Variants in TMEM108 observed in about 807,000 individuals in gnomAD.
The protein encoded by TMEM108 is cancer/testis antigen 124.
TMEM108 carries 12 observed loss-of-function variants against 35.1 expected under a neutral mutation model. The ratio of observed to expected loss-of-function variants is 0.34; its 90% CI spans 0.22 to 0.55. The LOEUF (loss-of-function observed/expected upper bound fraction) is 0.55, where lower values mean the gene tolerates loss of function less well. TMEM108 is among the 20% of genes least tolerant of loss of function. TMEM108 has a pLI of 0.89. For synonymous variants in TMEM108, 287 were observed against 308.6 expected (o/e 0.93, Z 0.73); for missense variants, 680 against 753.3 (o/e 0.90, Z 1.14).
rs1944217330 is a variant in TMEM108, at chr3:133,110,978, C to T, written c.-47+64958C>T. Among the ~76,000 whole-genome samples, 4 of 152,266 alleles carry T rather than the reference C, an allele frequency of 2.6e-5. No homozygotes were observed. The Middle Eastern group carries it at 0.014, about 518-fold the overall frequency. ...CAACATGGAAAGATTTGAAGTCAGGCCATAGTCCTTTTGAGGTTTCTCAAT... is the reference window on the plus strand; with the variant it reads ...CAACATGGAAAGATTTGAAGTCAGGTCATAGTCCTTTTGAGGTTTCTCAAT... On this transcript the variant is annotated intron_variant, in intron 2 of 5. Transcript: ENST00000321871.
chr3:133,139,377 G>A (rs189792363), intron 2 of TMEM108, among the ~76,000 whole-genome samples: 4 of 152,260 alleles, frequency 2.6e-5, no homozygotes, highest in Non-Finnish European at 5.9e-5. Flanking sequence ...AACAACCTCT[G>A]TTGATTTTCT....
At chr3:133,140,828 T>C (rs1944631036) in intron 2 of TMEM108, among the ~76,000 whole-genome samples, 1 of 152,174 alleles carries the variant, frequency 6.6e-6, no homozygotes, top group South Asian at 2.1e-4. Flanking sequence ...GTCATAATTC[T>C]AATCAAAAGT....
chr3:133,332,067 C>T (rs865822483), intron 3 of TMEM108, among the ~76,000 whole-genome samples: 4 of 133,430 alleles, frequency 3.0e-5, no homozygotes, highest in Admixed American at 7.7e-5. Context: ...TGCTTGTGCG[C>T]GTGCGTGCGC....
At chr3:133,161,422 A>G (rs776384430) in intron 2 of TMEM108, among the ~76,000 whole-genome samples, 6 of 152,162 alleles carry the variant, frequency 3.9e-5, no homozygotes, top group Non-Finnish European at 8.8e-5. Context: ...AAGCTCCATG[A>G]GGCGGGGACC....
chr3:133,383,582 C>G (rs2073069775), intron 4 of TMEM108, among the ~76,000 whole-genome samples: 1 of 152,188 alleles, frequency 6.6e-6, no homozygotes, highest in Non-Finnish European at 1.5e-5. Flanking sequence ...ACTTCTCCCC[C>G]AGCCCTTCTG....
chr3:133,389,482 G>A (rs1018001437), intron 4 of TMEM108: 13 of 772,894 alleles, frequency 1.7e-5, no homozygotes, highest in Non-Finnish European at 2.0e-5. Context: ...TCAGGAGTTC[G>A]AGACCAGCCT....
chr3:133,075,177 C>G (rs908671596), intron 2 of TMEM108, among the ~76,000 whole-genome samples: 1 of 152,202 alleles, frequency 6.6e-6, no homozygotes, highest in African/African-American at 2.4e-5. Flanking sequence ...CCCTTCCCCA[C>G]AAACAATACT....
rs1375971524 is a variant in TMEM108 at position 133,243,577 on chromosome 3, G to A, written c.40+14226G>A. Among the ~76,000 whole-genome samples, 9 of 152,076 alleles carry A rather than the reference G, an allele frequency of 5.9e-5. No homozygotes were observed. The South Asian group carries it at 6.2e-4, about 11-fold the overall frequency. ...GTTCTGTCACCCAGGCTGGAGTAGA[G>A]TGGCGCGATCTCGGCTCACTGCAAG... On this transcript the variant is annotated intron_variant, in intron 3 of 5. Transcript: ENST00000321871.
chr3:133,336,258 G>A (rs1299654541), intron 3 of TMEM108, among the ~76,000 whole-genome samples: 1 of 152,076 alleles, frequency 6.6e-6, no homozygotes, highest in Non-Finnish European at 1.5e-5. Context: ...CCCAACCTAA[G>A]GGTTGGAGAT....
chr3:133,123,812 G>T (rs562305185), intron 2 of TMEM108, among the ~76,000 whole-genome samples: 41 of 152,328 alleles, frequency 2.7e-4, no homozygotes, highest in Non-Finnish European at 5.0e-4. Context: ...CAGTTCTGTT[G>T]TCGGCCTAAA....
intron 3 of TMEM108, among the ~76,000 whole-genome samples, chr3:133,309,650 T>C (rs2071094203): frequency 6.6e-6 from 1 of 150,746 alleles, no homozygotes; most frequent in South Asian, 2.1e-4. Context: ...GTTGTTCAGT[T>C]TCCGTGTAGT....
intron 4 of TMEM108, chr3:133,389,321 A>T: frequency 1.0e-6 from 1 of 985,442 alleles, no homozygotes; most frequent in Non-Finnish European, 1.2e-6. Context: ...AGCTGTGTGG[A>T]GCCCACCTCA....
At chr3:133,165,563 A>G (rs1371472960) in intron 2 of TMEM108, among the ~76,000 whole-genome samples, 2 of 152,188 alleles carry the variant, frequency 1.3e-5, no homozygotes, top group African/African-American at 4.8e-5. Context: ...TTGCAGGTTT[A>G]TGTGTGTTTC....
rs1404789722 is a variant in TMEM108, at chr3:133,386,707, A to G, written c.1451-3473A>G. 7.3e-6 allele frequency: 10 copies of G among 1,379,134 alleles called. No individual in the cohort carries two copies. The East Asian group carries it at 2.6e-4, about 36-fold the overall frequency. 85.4% of individuals were successfully genotyped at this position (1,379,134 alleles called of 1,614,324 possible). ...CAACTAAATGGGAAAGGGAACAGTTAACATCTTGTGTTTGCATAGAGCTGC... is the reference window on the plus strand; with the variant it reads ...CAACTAAATGGGAAAGGGAACAGTTGACATCTTGTGTTTGCATAGAGCTGC... On this transcript the variant is annotated intron_variant, in intron 4 of 5. Transcript: ENST00000321871.
At chr3:133,241,024 C>T (rs1946305383) in intron 3 of TMEM108, among the ~76,000 whole-genome samples, 1 of 152,144 alleles carries the variant, frequency 6.6e-6, no homozygotes, top group African/African-American at 2.4e-5. Context: ...ACATAAACCT[C>T]ATGAATTGGG....
chr3:133,063,687 T>G (rs1264826080), intron 2 of TMEM108, among the ~76,000 whole-genome samples: 1 of 152,142 alleles, frequency 6.6e-6, no homozygotes, highest in Non-Finnish European at 1.5e-5. Flanking sequence ...TATGATTAAG[T>G]TAGTCCTGAT....
At chr3:133,315,306 G>A (rs1160547130) in intron 3 of TMEM108, among the ~76,000 whole-genome samples, 2 of 152,228 alleles carry the variant, frequency 1.3e-5, no homozygotes, top group African/African-American at 4.8e-5. Flanking sequence ...AAGCCGCTCA[G>A]AGCTTTTGAG....
intron 5 of TMEM108, among the ~76,000 whole-genome samples, chr3:133,393,273 A>G (rs2073259642): frequency 1.3e-5 from 2 of 151,900 alleles, no homozygotes; most frequent in African/African-American, 4.8e-5. Flanking sequence ...TAAATCTCCA[A>G]CCTCATTCTG....
At chr3:133,063,239 T>C (rs1943556307) in intron 2 of TMEM108, among the ~76,000 whole-genome samples, 1 of 152,128 alleles carries the variant, frequency 6.6e-6, no homozygotes, top group African/African-American at 2.4e-5. Context: ...GGCTACTGAA[T>C]TCACTTAGAG....
Sources: gnomAD v4.1 joint callset for allele counts (sites outside exome capture counted in the v4.1 genomes callset) on GRCh38, gnomAD v4.1.1 for gene constraint, MANE v1.5 for transcripts, NCBI Gene and HGNC (gene_info 2026-07-23, HGNC 2026-07-21) for gene names.